The following KMT2C variants were observed in gnomAD, a reference collection of about 807,000 sequenced individuals.
KMT2C encodes histone-lysine N-methyltransferase 2C.
A neutral mutation model predicts 507.9 loss-of-function variants in KMT2C; 88 were observed. The ratio of observed to expected loss-of-function variants is 0.17; its 90% CI spans 0.15 to 0.21. The LOEUF (loss-of-function observed/expected upper bound fraction) is 0.21, where lower values mean the gene tolerates loss of function less well. KMT2C is among the 10% of genes least tolerant of loss of function. The pLI is 1.00. For missense variants in KMT2C, 4,954 were observed against 5,957.8 expected, an observed-to-expected ratio of 0.83 and a Z score of 5.55; for synonymous variants, 2,049 against 2,080.8, an observed-to-expected ratio of 0.98 and a Z score of 0.42.
rs2129115280 is a variant in KMT2C at position 152,177,709 on chromosome 7, C to G, written c.7744G>C (p.Val2582Leu). ...LPFSAPPGSV[V>L]EASSNLRHGN... ...TGTCTCAGATTAGAAGATGCCTCTA[C>G]AACGCTGCCAGGTGGAGCACTGAAA... Residue 2582 changes from valine to leucine, a missense_variant, in exon 38 of 59, where the codon GTA (valine) becomes CTA (leucine). Transcript: ENST00000262189. The G allele has an allele frequency of 1.9e-6, 3 of 1,614,094 alleles. No individual in the cohort carries two copies. Among genetic ancestry groups the G allele is most frequent in the South Asian group, 2.2e-5 (2 of 91,074 alleles).
In KMT2C at chr7:152,314,670, T is replaced by C. The variant is rs564443347; in HGVS notation, c.590+468A>G. ...TAAATTAAATAAATGACTGAATGGA[T>C]TGATGAATGAATGACACAAAAGACA... On this transcript the variant is annotated intron_variant, in intron 4 of 58. Transcript: ENST00000262189. Among the ~76,000 whole-genome samples the C allele has an allele frequency of 7.0e-4, 106 of 152,218 alleles. 1 individual carries two copies. The highest frequency in any genetic ancestry group is 2.3e-3 in the African/African-American group (96 of 41,552).
chr7:152,160,588 T>C (rs1387118938), intron 43 of KMT2C, among the ~76,000 whole-genome samples: 1 of 151,054 alleles, frequency 6.6e-6, no homozygotes, highest in Non-Finnish European at 1.5e-5. Context: ...GACTGCACTC[T>C]GAGTGGCAAG....
intron 25 of KMT2C, among the ~76,000 whole-genome samples, chr7:152,204,507 G>C (rs138156222): frequency 1.3e-5 from 2 of 151,990 alleles, no homozygotes; most frequent in Non-Finnish European, 2.9e-5. Context: ...GAGGACAGGA[G>C]AACTACCTGA....
intron 1 of KMT2C, among the ~76,000 whole-genome samples, chr7:152,410,114 C>T (rs1157557813): frequency 6.6e-6 from 1 of 152,144 alleles, no homozygotes; most frequent in Non-Finnish European, 1.5e-5. Flanking sequence ...GTTCTGATTT[C>T]ATTATTAAAA....
chr7:152,307,191 GAGGGAGGA>G (rs747460487), intron 6 of KMT2C, among the ~76,000 whole-genome samples: 17,199 of 87,976 alleles, frequency 0.2, 1,722 homozygotes, highest in Non-Finnish European at 0.25. Flanking sequence ...AAGGAAAGAA[GAGGGAGGA>G]AGGAAGGAAG....
At chr7:152,432,845 T>C (rs971440162) in intron 1 of KMT2C, among the ~76,000 whole-genome samples, 2 of 152,164 alleles carry the variant, frequency 1.3e-5, no homozygotes, top group East Asian at 1.9e-4. Flanking sequence ...ATCCACTTCA[T>C]TGTCAAAAGG....
intron 9 of KMT2C, among the ~76,000 whole-genome samples, chr7:152,256,080 G>C (rs536484033): frequency 2.2e-4 from 33 of 152,228 alleles, no homozygotes; most frequent in African/African-American, 7.7e-4. Context: ...TAAGACATGA[G>C]AATCACTTGA....
At chr7:152,355,613 T>C (rs1268176008) in intron 2 of KMT2C, among the ~76,000 whole-genome samples, 1 of 151,674 alleles carries the variant, frequency 6.6e-6, no homozygotes, top group African/African-American at 2.4e-5. Flanking sequence ...AGTCAAGTTT[T>C]AAAAAAAAGT....
At chr7:152,269,955 G>A (rs1260400406) in intron 7 of KMT2C, among the ~76,000 whole-genome samples, 1 of 152,198 alleles carries the variant, frequency 6.6e-6, no homozygotes, top group African/African-American at 2.4e-5. Context: ...CCTTAAACCT[G>A]ATGAAACTAT....
Position 152,215,694 on chromosome 7 carries a change from C to T in KMT2C, c.3712+4829G>A, listed in dbSNP as rs544958483. Among the ~76,000 whole-genome samples, 1,160 of 132,464 alleles carry T rather than the reference C, an allele frequency of 8.8e-3. 40 individuals carry two copies. The highest frequency in any genetic ancestry group is 0.037 in the African/African-American group (1,038 of 27,708). The allele number at this position is 132,464 out of a possible 152,430, so 86.9% of individuals were successfully genotyped here. A position where few individuals can be genotyped will look rare whatever the true frequency, so the allele number is the denominator to read the frequency against. On this transcript the variant is annotated intron_variant, in intron 23 of 58. Transcript: ENST00000262189. ...GGAACAAAATATATATATATACACA[C>T]ACACATACACACACAAAATATATAT... is the stretch of plus-strand genomic sequence containing the variant.
intron 9 of KMT2C, among the ~76,000 whole-genome samples, chr7:152,254,022 T>G (rs535363676): frequency 6.6e-6 from 1 of 152,272 alleles, no homozygotes; most frequent in South Asian, 2.1e-4. Context: ...GCTACCAGGT[T>G]GATATGAAAG....
chr7:152,430,111 G>A (rs1226736502), intron 1 of KMT2C, among the ~76,000 whole-genome samples: 1 of 150,804 alleles, frequency 6.6e-6, no homozygotes. Context: ...CCGGAGGGCG[G>A]CAGCCACAGT....
chr7:152,309,442 G>A (rs2096650300), intron 6 of KMT2C, among the ~76,000 whole-genome samples: 1 of 140,818 alleles, frequency 7.1e-6, no homozygotes, highest in South Asian at 2.4e-4. Context: ...TCCCACCTCA[G>A]CACCCCAAGT....
intron 6 of KMT2C, among the ~76,000 whole-genome samples, chr7:152,279,026 G>C (rs1161972692): frequency 1.3e-5 from 2 of 151,774 alleles, no homozygotes; most frequent in African/African-American, 4.8e-5. Flanking sequence ...AATATACATA[G>C]AATTTTCAAA....
intron 6 of KMT2C, among the ~76,000 whole-genome samples, chr7:152,277,807 T>C (rs1044462554): frequency 6.6e-6 from 1 of 152,186 alleles, no homozygotes; most frequent in African/African-American, 2.4e-5. Flanking sequence ...TAAAAAATTA[T>C]TTAAAACCAA....
rs768535474 is a variant in KMT2C at position 152,152,912 on chromosome 7, C to T, written c.12319G>A (p.Val4107Ile). ...ACCTCATAGCTGTTAGGGATTCGGA[C>T]GTGAAGAAGGTCGGAAAATGCAGCC... The part of the protein sequence containing the change: ...VVAAFSDLLH[V>I]RIPNSYEVSS... Residue 4107 changes from valine (V) to isoleucine (I), a missense_variant, in exon 49 of 59, where the codon GTC (valine) becomes ATC (isoleucine). Physicochemically the swap from Val to Ile is conservative, Grantham distance 29. Coordinates refer to ENST00000262189, the MANE Select transcript of KMT2C (RefSeq NM_170606.3). 8.7e-6 allele frequency: 14 copies of T among 1,613,970 alleles called. No individual in the cohort carries two copies. Among genetic ancestry groups the T allele is most frequent in the African/African-American group, 5.3e-5 (4 of 74,880 alleles).
intron 44 of KMT2C, 40 bp from the exon 45 acceptor site, chr7:152,156,386 C>A (rs767618125): frequency 1.9e-6 from 3 of 1,607,672 alleles, no homozygotes; most frequent in Non-Finnish European, 2.5e-6. Context: ...TGCTACTGAG[C>A]GAATATGCAA....
intron 6 of KMT2C, among the ~76,000 whole-genome samples, chr7:152,280,094 C>T (rs1588860616): frequency 6.6e-6 from 1 of 152,240 alleles, no homozygotes; most frequent in Non-Finnish European, 1.5e-5. Context: ...TCTTTGAAAG[C>T]GGAGTTTTCT....
At chr7:152,215,513 CAAAAAAAAAAAAAAA>C (rs35751147) in intron 23 of KMT2C, among the ~76,000 whole-genome samples, 10 of 25,972 alleles carry the variant, frequency 3.9e-4, no homozygotes, top group South Asian at 1.8e-3. Flanking sequence ...GACTCTGTCT[CAAAAAAAAAAAAAAA>C]AAAAAAAAAA....
Sources: gnomAD v4.1 joint callset for allele counts (sites outside exome capture counted in the v4.1 genomes callset) on GRCh38, gnomAD v4.1.1 for gene constraint, MANE v1.5 for transcripts, NCBI Gene and HGNC (gene_info 2026-07-23, HGNC 2026-07-21) for gene names.